The following FBXL7 variants were observed in gnomAD, a reference collection of about 807,000 sequenced individuals.
The protein encoded by FBXL7 is F-box/LRR-repeat protein 7.
A neutral mutation model predicts 38.3 loss-of-function variants in FBXL7; 12 were observed. The ratio of observed to expected loss-of-function variants is 0.31; its 90% CI spans 0.20 to 0.51. The LOEUF is 0.51. Among genes scored for constraint, FBXL7 ranks in the 20% least tolerant of loss-of-function variants. The pLI is 0.98. For missense variants in FBXL7, 567 were observed against 676.4 expected, an observed-to-expected ratio of 0.84 and a Z score of 1.79; for synonymous variants, 297 against 300.9, an observed-to-expected ratio of 0.99 and a Z score of 0.13.
chr5:15,534,979 C>A (rs1737537618), intron 1 of FBXL7, among the ~76,000 whole-genome samples: 1 of 152,210 alleles, frequency 6.6e-6, no homozygotes, highest in South Asian at 2.1e-4. Flanking sequence ...TAGTTTCACT[C>A]ATGCTGTTTT....
intron 2 of FBXL7, among the ~76,000 whole-genome samples, chr5:15,650,574 T>C (rs1477635168): frequency 6.6e-6 from 1 of 152,254 alleles, no homozygotes; most frequent in Non-Finnish European, 1.5e-5. Flanking sequence ...TAGCATGAGA[T>C]GCTGTTTGAT....
intron 2 of FBXL7, among the ~76,000 whole-genome samples, chr5:15,870,443 A>G (rs1739905562): frequency 6.6e-6 from 1 of 152,128 alleles, no homozygotes; most frequent in South Asian, 2.1e-4. Flanking sequence ...CACGGATCAG[A>G]AAAGTCCCTC....
intron 2 of FBXL7, among the ~76,000 whole-genome samples, chr5:15,631,750 C>T (rs989061850): frequency 1.4e-5 from 2 of 143,818 alleles, no homozygotes; most frequent in Admixed American, 7.1e-5. Flanking sequence ...CAGAGGTAGA[C>T]TGAATTGTGT....
chr5:15,504,695 C>G (rs1461776782), intron 1 of FBXL7, among the ~76,000 whole-genome samples: 1 of 152,112 alleles, frequency 6.6e-6, no homozygotes, highest in African/African-American at 2.4e-5. Context: ...GTGTGTATAT[C>G]TCTTTCATAA....
intron 2 of FBXL7, among the ~76,000 whole-genome samples, chr5:15,881,075 G>A (rs1345219710): frequency 6.6e-6 from 1 of 151,814 alleles, no homozygotes; most frequent in Admixed American, 6.6e-5. Context: ...GGGAACAGGT[G>A]GTGATGGGTT....
intron 1 of FBXL7, among the ~76,000 whole-genome samples, chr5:15,614,568 C>T (rs1740380237): frequency 6.6e-6 from 1 of 152,224 alleles, no homozygotes; most frequent in African/African-American, 2.4e-5. Context: ...CCGCGCCCAT[C>T]CAGCAGTAGT....
At chr5:15,640,398 G>A (rs1270964826) in intron 2 of FBXL7, among the ~76,000 whole-genome samples, 1 of 152,092 alleles carries the variant, frequency 6.6e-6, no homozygotes, top group African/African-American at 2.4e-5. Context: ...TCTCTTTTAA[G>A]GACAGCAGTT....
chr5:15,515,898 C>T (rs1411918562), intron 1 of FBXL7, among the ~76,000 whole-genome samples: 3 of 152,084 alleles, frequency 2.0e-5, no homozygotes, highest in African/African-American at 7.2e-5. Context: ...TTACTATAAG[C>T]TCAGAATCAC....
At chr5:15,931,536 G>T (rs1400034185) in intron 3 of FBXL7, among the ~76,000 whole-genome samples, 1 of 152,032 alleles carries the variant, frequency 6.6e-6, no homozygotes, top group Non-Finnish European at 1.5e-5. Context: ...GGCCTCCAGA[G>T]GAATTGTTTC....
At chr5:15,821,930 A>G (rs879730031) in intron 2 of FBXL7, among the ~76,000 whole-genome samples, 2 of 152,052 alleles carry the variant, frequency 1.3e-5, no homozygotes, top group East Asian at 3.9e-4. Flanking sequence ...CTCCCAGTTA[A>G]CTTCTATCTC....
rs1046602867 is a variant in FBXL7, at chr5:15,918,614, G to A, written c.128-9276G>A. 3.5e-4 allele frequency among the ~76,000 whole-genome samples: 54 copies of A among 152,202 alleles called. 1 individual carries two copies. Among genetic ancestry groups the A allele is most frequent in the Non-Finnish European group, 5.4e-4 (37 of 68,034 alleles). On this transcript the variant is annotated intron_variant, in intron 2 of 3. Coordinates refer to ENST00000504595, the MANE Select transcript of FBXL7 (RefSeq NM_012304.5). ...TCAGACTCAAAAACTGGGCAACACT[G>A]GAAAACTGGGGTTTGTGACTCAGTG... is the stretch of plus-strand genomic sequence containing the variant.
intron 2 of FBXL7, among the ~76,000 whole-genome samples, chr5:15,734,451 C>T (rs1213169163): frequency 6.6e-6 from 1 of 152,180 alleles, no homozygotes; most frequent in Non-Finnish European, 1.5e-5. Context: ...CTCTTCTGAA[C>T]AATGTGGATT....
At chr5:15,729,706 A>C (rs994161107) in intron 2 of FBXL7, among the ~76,000 whole-genome samples, 1 of 152,162 alleles carries the variant, frequency 6.6e-6, no homozygotes, top group Non-Finnish European at 1.5e-5. Context: ...GTTACATGTG[A>C]TGTATGGAAA....
At chr5:15,823,814 T>A (rs1374377168) in intron 2 of FBXL7, among the ~76,000 whole-genome samples, 1 of 152,162 alleles carries the variant, frequency 6.6e-6, no homozygotes, top group African/African-American at 2.4e-5. Context: ...CAGTGACTCC[T>A]CAAAGACCCA....
Position 15,937,181 on chromosome 5 carries a change from T to C in FBXL7, c.1471T>C (p.Phe491Leu), listed in dbSNP as rs1742220501. 6.3e-7 allele frequency: 1 copy of C among 1,587,136 alleles called. No individual in the cohort carries two copies. The highest frequency in any genetic ancestry group is 8.6e-7 in the Non-Finnish European group (1 of 1,164,258). Reference sequence around the variant, plus strand: ...CATCGAGCACACCAACCCGGCTTTCTTCTGAAGGGACAGAGTTCATCCGGC... The same window carrying C: ...CATCGAGCACACCAACCCGGCTTTCCTCTGAAGGGACAGAGTTCATCCGGC... ...CVIEHTNPAFF is the reference protein window; with the variant it reads ...CVIEHTNPAFL The change falls in exon 4 of 4, where the codon TTC becomes CTC. Residue 491 changes from phenylalanine to leucine, a missense_variant. Phe to Leu is a conservative substitution (Grantham distance 22). Coordinates refer to ENST00000504595, the MANE Select transcript of FBXL7 (RefSeq NM_012304.5).
intron 2 of FBXL7, among the ~76,000 whole-genome samples, chr5:15,883,725 G>A (rs747984271): frequency 2.6e-4 from 39 of 152,182 alleles, no homozygotes; most frequent in African/African-American, 4.8e-5. Context: ...GTGGGTGGTA[G>A]TGGACAAGAA....
intron 2 of FBXL7, among the ~76,000 whole-genome samples, chr5:15,684,974 G>A (rs1399532928): frequency 6.6e-6 from 1 of 152,078 alleles, no homozygotes; most frequent in East Asian, 1.9e-4. Context: ...GAAAATTTTT[G>A]AAATTCTTCA....
chr5:15,697,126 A>G (rs944439250), intron 2 of FBXL7, among the ~76,000 whole-genome samples: 1 of 152,164 alleles, frequency 6.6e-6, no homozygotes, highest in African/African-American at 2.4e-5. Flanking sequence ...TGCAGGTACC[A>G]TGTTATCAAG....
intron 2 of FBXL7, among the ~76,000 whole-genome samples, chr5:15,883,619 A>C (rs374868611): frequency 2.6e-5 from 4 of 152,334 alleles, no homozygotes; most frequent in East Asian, 1.9e-4. Flanking sequence ...AAATGTGATC[A>C]TAGGTACATT....
Sources: gnomAD v4.1 joint callset for allele counts (sites outside exome capture counted in the v4.1 genomes callset) on GRCh38, gnomAD v4.1.1 for gene constraint, MANE v1.5 for transcripts, NCBI Gene and HGNC (gene_info 2026-07-23, HGNC 2026-07-21) for gene names.